SERINC1: variants seen among roughly 807,000 people sequenced by gnomAD.
SERINC1 encodes the protein serine incorporator 1.
SERINC1 carries 38 observed loss-of-function variants against 52.9 expected under a neutral mutation model. The observed-to-expected ratio is 0.72, with a 90% confidence interval of 0.55 to 0.94. SERINC1 has a LOEUF of 0.94. Among genes scored for constraint, SERINC1 ranks in the 40% least tolerant of loss-of-function variants. The pLI, the probability that SERINC1 is intolerant of heterozygous loss-of-function variation, is 0.00. For missense variants in SERINC1, 471 were observed against 533.9 expected, an observed-to-expected ratio of 0.88 and a Z score of 1.16; for synonymous variants, 198 against 183.1, an observed-to-expected ratio of 1.08 and a Z score of -0.66.
At chr6:122,460,166 G>A (rs569963161) in intron 1 of SERINC1, among the ~76,000 whole-genome samples, 125 of 152,188 alleles carry the variant, frequency 8.2e-4, no homozygotes, top group Non-Finnish European at 1.4e-3. Context: ...CACCCACTCC[G>A]GGTTCAAGGG....
At chr6:122,455,554 T>C (rs1014208307) in intron 3 of SERINC1, among the ~76,000 whole-genome samples, 2 of 152,144 alleles carry the variant, frequency 1.3e-5, no homozygotes, top group Admixed American at 6.6e-5. Context: ...AGATGGCCTA[T>C]TGTGGGACCT....
Position 122,444,763 on chromosome 6 carries a change from T to G in SERINC1, c.*281A>C, listed in dbSNP as rs373549860. The G allele has an allele frequency of 2.0e-4, 58 of 292,172 alleles. No individual in the cohort carries two copies. The East Asian group carries it at 3.4e-3, about 17-fold the overall frequency. The allele number at this position is 292,172 out of a possible 1,614,324, so 18.1% of individuals were successfully genotyped here. A position where few individuals can be genotyped will look rare whatever the true frequency, so the allele number is the denominator to read the frequency against. On this transcript the variant is annotated 3_prime_UTR_variant, in exon 10 of 10. Transcript: ENST00000339697. ...AATAGTCAAACAAATTTGTTTTTAC[T>G]CTTCATTTCACAACTATAGAGCAGA...
chr6:122,452,190 A>T, intron 5 of SERINC1, 133 bp from the exon 6 acceptor site: 1 of 532,644 alleles, frequency 1.9e-6, no homozygotes, highest in Non-Finnish European at 3.0e-6. Context: ...TGTCAGCATT[A>T]TAAAGGCTAT....
Position 122,451,961 on chromosome 6 carries a change from T to C in SERINC1, c.686A>G (p.Asn229Ser). The change falls in exon 6 of 10, where the codon AAC (asparagine) becomes AGC (serine). Residue 229 changes from asparagine (N) to serine (S), a missense_variant. Asn to Ser is a conservative substitution (Grantham distance 46). Coordinates refer to ENST00000339697, the MANE Select transcript of SERINC1 (RefSeq NM_020755.4). ...CATGTTGACACTGATGAACGCCTTGTTTTCTGAACAACTGGCTGGATGAGT... is the reference window on the plus strand; with the variant it reads ...CATGTTGACACTGATGAACGCCTTGCTTTCTGAACAACTGGCTGGATGAGT... The part of the protein sequence containing the change: ...YYTHPASCSE[N>S]KAFISVNMLL... 1 of 1,599,156 alleles carries C rather than the reference T, an allele frequency of 6.3e-7. No homozygotes were observed.
intron 2 of SERINC1, 88 bp from the exon 3 acceptor site, chr6:122,456,738 G>A (rs1775004256): frequency 5.9e-6 from 6 of 1,024,534 alleles, no homozygotes; most frequent in Non-Finnish European, 8.2e-6. Context: ...TTAAGTAAAG[G>A]TTTAGAAAAC....
At chr6:122,447,701 T>C (rs776413920) in intron 7 of SERINC1, among the ~76,000 whole-genome samples, 2 of 152,168 alleles carry the variant, frequency 1.3e-5, no homozygotes, top group Non-Finnish European at 2.9e-5. Flanking sequence ...ATACAGCACA[T>C]TGTTAAAAAA....
At chr6:122,457,822 T>C (rs928855797) in intron 2 of SERINC1, among the ~76,000 whole-genome samples, 9 of 151,206 alleles carry the variant, frequency 6.0e-5, no homozygotes, top group East Asian at 5.8e-4. Context: ...TATATATATA[T>C]ACATGTACAC....
chr6:122,467,213 T>G (rs888319697), intron 1 of SERINC1, among the ~76,000 whole-genome samples: 3 of 152,212 alleles, frequency 2.0e-5, no homozygotes, highest in African/African-American at 7.2e-5. Context: ...CAGAAGATTC[T>G]GGGAGAGATA....
Position 122,445,169 on chromosome 6 carries a change from A to G in SERINC1, c.1237T>C (p.Ser413Pro). 1 of 1,613,756 alleles carries G rather than the reference A, an allele frequency of 6.2e-7. No homozygotes were observed. The highest frequency in any genetic ancestry group is 1.1e-5 in the South Asian group (1 of 90,942). The change falls in exon 10 of 10, where the codon TCT (serine) becomes CCT (proline). Residue 413 changes from serine to proline, a missense_variant. Ser to Pro is a moderately conservative substitution (Grantham distance 74). Coordinates refer to ENST00000339697, the MANE Select transcript of SERINC1 (RefSeq NM_020755.4). ...TLTNWYRYEP[S>P]REMKSQWTAV... The stretch of plus-strand genomic sequence containing the variant: ...GTCCACTGACTTTTCATCTCACGAG[A>G]GGGTTCATACCTAAAATTTCAGGGA...
intron 1 of SERINC1, among the ~76,000 whole-genome samples, chr6:122,468,994 T>C (rs796914540): frequency 1.4e-4 from 21 of 152,292 alleles, no homozygotes; most frequent in African/African-American, 5.1e-4. Flanking sequence ...AATGTTATAG[T>C]TATAGGATTA....
intron 5 of SERINC1, 111 bp from the exon 6 acceptor site, chr6:122,452,168 A>G: frequency 1.6e-6 from 1 of 638,554 alleles, no homozygotes; most frequent in South Asian, 3.9e-5. Flanking sequence ...ATATATTTTA[A>G]GCAACTAACA....
At chr6:122,450,021 A>G (rs970176369) in intron 7 of SERINC1, among the ~76,000 whole-genome samples, 1 of 152,232 alleles carries the variant, frequency 6.6e-6, no homozygotes, top group Non-Finnish European at 1.5e-5. Context: ...TCTCAAAAAA[A>G]TAAAAATAAG....
At chr6:122,446,087 A>G (rs540877062) in intron 9 of SERINC1, among the ~76,000 whole-genome samples, 1 of 152,214 alleles carries the variant, frequency 6.6e-6, no homozygotes, top group Admixed American at 6.5e-5. Flanking sequence ...TATGCATTAA[A>G]AAGTTATTAA....
intron 7 of SERINC1, 64 bp from the exon 8 acceptor site, chr6:122,447,329 A>G: frequency 7.3e-7 from 1 of 1,365,864 alleles, no homozygotes; most frequent in Non-Finnish European, 1.0e-6. Flanking sequence ...AGAGCAAACA[A>G]AAGTTATTTT....
At position 122,452,002 on chromosome 6, in the gene SERINC1, C is replaced by T. The variant is rs919433034; in HGVS notation, c.645G>A (p.Leu215=). Residue 215 remains leucine, a synonymous_variant, in exon 6 of 10, where the codon CTG becomes CTA. Transcript: ENST00000339697. The stretch of plus-strand genomic sequence containing the variant: ...CTGGATGAGTGTAGTAGACAAAGAA[C>T]AGGACGATAGCAACTAAAGACAGCA... ...NYLLSLVAIV[L]FFVYYTHPAS... 3 of 1,588,904 alleles carry T rather than the reference C, an allele frequency of 1.9e-6. No individual in the cohort carries two copies. Among genetic ancestry groups the T allele is most frequent in the Non-Finnish European group, 2.6e-6 (3 of 1,168,560 alleles).
intron 2 of SERINC1, among the ~76,000 whole-genome samples, chr6:122,457,804 CATAT>C (rs60098882): frequency 1.3e-4 from 19 of 147,794 alleles, no homozygotes; most frequent in African/African-American, 4.7e-4. Flanking sequence ...GTAAGACATA[CATAT>C]ATATATATAT....
chr6:122,461,228 T>G (rs763781897), intron 1 of SERINC1, among the ~76,000 whole-genome samples: 2 of 151,856 alleles, frequency 1.3e-5, no homozygotes, highest in African/African-American at 2.4e-5. Context: ...AAAATAAACA[T>G]GAAAACCACA....
rs1774760025 is a variant in SERINC1, at chr6:122,445,014, A to G, written c.*30T>C. The G allele has an allele frequency of 5.6e-6, 9 of 1,598,974 alleles. No homozygotes were observed. The highest frequency in any genetic ancestry group is 2.3e-5 in the South Asian group (2 of 88,198). ...TACTGTTTTCAAATAAGCAATAATC[A>G]AAGTGGGACTTTCATGCTAGAAGTC... On this transcript the variant is annotated 3_prime_UTR_variant, in exon 10 of 10. Coordinates refer to ENST00000339697, the MANE Select transcript of SERINC1 (RefSeq NM_020755.4).
At chr6:122,456,731 A>C (rs1171100681) in intron 2 of SERINC1, 81 bp from the exon 3 acceptor site, 2 of 1,093,114 alleles carry the variant, frequency 1.8e-6, no homozygotes, top group East Asian at 5.4e-5. Flanking sequence ...AAATAGTTTA[A>C]GTAAAGGTTT....
Sources: gnomAD v4.1 joint callset for allele counts (sites outside exome capture counted in the v4.1 genomes callset) on GRCh38, gnomAD v4.1.1 for gene constraint, MANE v1.5 for transcripts, NCBI Gene and HGNC (gene_info 2026-07-23, HGNC 2026-07-21) for gene names.